The following SUZ12 variants were observed in gnomAD, a reference collection of about 807,000 sequenced individuals.
SUZ12 encodes polycomb protein SUZ12.
A neutral mutation model predicts 87.3 loss-of-function variants in SUZ12; 17 were observed. The ratio of observed to expected loss-of-function variants is 0.19; its 90% CI spans 0.13 to 0.29. The LOEUF is 0.29. SUZ12 is among the 10% of genes least tolerant of loss of function. SUZ12 has a pLI of 1.00. For missense variants in SUZ12, 526 were observed against 912.2 expected, an observed-to-expected ratio of 0.58 and a Z score of 5.45; for synonymous variants, 253 against 312.4, an observed-to-expected ratio of 0.81 and a Z score of 2.01.
intron 8 of SUZ12, among the ~76,000 whole-genome samples, chr17:31,978,110 C>T (rs1326088272): frequency 6.6e-6 from 1 of 152,074 alleles, no homozygotes; most frequent in Admixed American, 6.6e-5. Flanking sequence ...ATTTCTTGTA[C>T]CAGGCTGCGT....
chr17:31,955,071 C>G (rs938359481), intron 4 of SUZ12, among the ~76,000 whole-genome samples: 1 of 152,118 alleles, frequency 6.6e-6, no homozygotes, highest in Non-Finnish European at 1.5e-5. Context: ...ACTGCATCCT[C>G]GAACTTCCAG....
At chr17:31,963,123 A>G (rs1175612840) in intron 4 of SUZ12, among the ~76,000 whole-genome samples, 2 of 152,214 alleles carry the variant, frequency 1.3e-5, no homozygotes, top group Non-Finnish European at 2.9e-5. Context: ...ATAGGTTTTT[A>G]AGACTCCTGT....
At chr17:31,989,645 C>T (rs747299240) in intron 10 of SUZ12, among the ~76,000 whole-genome samples, 6 of 152,014 alleles carry the variant, frequency 3.9e-5, no homozygotes, top group Non-Finnish European at 5.9e-5. Flanking sequence ...GTTGCCCAGA[C>T]TGGAGTGCAG....
Position 31,937,418 on chromosome 17 carries a change from T to TCCTCCG in SUZ12, c.174_179dup (p.Ser59_Ala60dup), listed in dbSNP as rs1424015855. On this transcript the variant is annotated inframe_insertion, in exon 1 of 16. Transcript: ENST00000322652. Reference sequence around the variant, plus strand: ...TGGCAGTTACTCGGCCTCCTCCTCCTCCTCCGCGGCGGCAGCGGCGGGGGC... The same window carrying TCCTCCG: ...TGGCAGTTACTCGGCCTCCTCCTCCTCCTCCGCCTCCGCGGCGGCAGCGGCGGGGGC... 2.6e-6 allele frequency: 4 copies of TCCTCCG among 1,542,882 alleles called. No individual in the cohort carries two copies. Among genetic ancestry groups the TCCTCCG allele is most frequent in the African/African-American group, 1.4e-5 (1 of 72,242 alleles).
Position 31,973,241 on chromosome 17 carries a change from A to G in SUZ12, c.591+10A>G, listed in dbSNP as rs1908539518. On this transcript the variant is annotated intron_variant, in intron 6 of 15. Transcript: ENST00000322652. ...CCACAAAAAAAGAAAGGTAATGTCA[A>G]CAAAATGATATTGGTAGATTAAATG... 7.2e-7 allele frequency: 1 copy of G among 1,395,176 alleles called. No homozygotes were observed. The highest frequency in any genetic ancestry group is 1.5e-5 in the African/African-American group (1 of 67,234). 86.4% of individuals were successfully genotyped at this position (1,395,176 alleles called of 1,614,324 possible).
At chr17:31,977,786 G>T (rs1427627016) in intron 8 of SUZ12, among the ~76,000 whole-genome samples, 5 of 152,060 alleles carry the variant, frequency 3.3e-5, no homozygotes, top group African/African-American at 7.2e-5. Flanking sequence ...CTACTCAGGA[G>T]GCCGAGGCAG....
chr17:31,974,016 A>C (rs1005806937), intron 6 of SUZ12, among the ~76,000 whole-genome samples: 2 of 152,074 alleles, frequency 1.3e-5, no homozygotes, highest in Non-Finnish European at 2.9e-5. Flanking sequence ...GCTTGAACCC[A>C]GGAGTTAAGC....
Position 31,969,214 on chromosome 17 carries a change from G to A in SUZ12, c.505+3018G>A, listed in dbSNP as rs140849992. 8.8e-4 allele frequency among the ~76,000 whole-genome samples: 134 copies of A among 151,966 alleles called. 1 individual carries two copies. Among genetic ancestry groups the A allele is most frequent in the African/African-American group, 3.1e-3 (128 of 41,442 alleles). ...GGCTGGAGTGCAATGGCGCAATCTCGGCTCACCACAACCTCTACCTCCCGG... is the reference window on the plus strand; with the variant it reads ...GGCTGGAGTGCAATGGCGCAATCTCAGCTCACCACAACCTCTACCTCCCGG... On this transcript the variant is annotated intron_variant, in intron 5 of 15. Coordinates refer to ENST00000322652, the MANE Select transcript of SUZ12 (RefSeq NM_015355.4).
At chr17:31,982,176 G>A (rs1400229079) in intron 8 of SUZ12, among the ~76,000 whole-genome samples, 1 of 151,974 alleles carries the variant, frequency 6.6e-6, no homozygotes, top group African/African-American at 2.4e-5. Context: ...AGTGTTTATT[G>A]AGCACCTATA....
intron 10 of SUZ12, among the ~76,000 whole-genome samples, chr17:31,992,680 GATT>G (rs1479146625): frequency 1.3e-5 from 2 of 152,080 alleles, no homozygotes; most frequent in Non-Finnish European, 2.9e-5. Flanking sequence ...AAAGCACTGG[GATT>G]ACAGGTGTGA....
chr17:31,978,882 C>T (rs1268050728), intron 8 of SUZ12, among the ~76,000 whole-genome samples: 9 of 151,562 alleles, frequency 5.9e-5, no homozygotes, highest in South Asian at 2.1e-4. Flanking sequence ...CTGAGGCGGG[C>T]GGATCACGAG....
intron 8 of SUZ12, among the ~76,000 whole-genome samples, chr17:31,982,769 T>C (rs966678987): frequency 6.6e-6 from 1 of 152,250 alleles, no homozygotes; most frequent in African/African-American, 2.4e-5. Context: ...TGTTTAGAGT[T>C]ATATCTGAGT....
Position 31,960,501 on chromosome 17 carries a change from G to A in SUZ12, c.456-5646G>A, listed in dbSNP as rs1437733169. ...TGGGATTACAGGCGTGAGCCACTGC[G>A]CCCAGCCAGAGTGTTTACTTTTAGG... On this transcript the variant is annotated intron_variant, in intron 4 of 15. Coordinates refer to ENST00000322652, the MANE Select transcript of SUZ12 (RefSeq NM_015355.4). Among the ~76,000 whole-genome samples, 6 of 151,964 alleles carry A rather than the reference G, an allele frequency of 3.9e-5. No homozygotes were observed. In the South Asian group the frequency reaches 6.2e-4, roughly 16 times the overall value.
At chr17:31,987,733 C>T (rs868037955) in intron 9 of SUZ12, among the ~76,000 whole-genome samples, 1 of 152,038 alleles carries the variant, frequency 6.6e-6, no homozygotes, top group South Asian at 2.1e-4. Context: ...GAGTTCAAGA[C>T]CAGCCTGGCC....
rs997235625 is a variant in SUZ12 at position 32,000,203 on chromosome 17, A to G, written c.*1200A>G. 7 of 233,138 alleles carry G rather than the reference A, an allele frequency of 3.0e-5. No individual in the cohort carries two copies. The highest frequency in any genetic ancestry group is 5.1e-5 in the Non-Finnish European group (6 of 117,828). The allele number at this position is 233,138 out of a possible 1,614,324, so 14.4% of individuals were successfully genotyped here. On this transcript the variant is annotated 3_prime_UTR_variant, in exon 16 of 16. Transcript: ENST00000322652. ...TTATCCTTAAAGATATTGCATTTTCATATTCTTTATTTATAAAGGATCAAT... is the reference window on the plus strand; with the variant it reads ...TTATCCTTAAAGATATTGCATTTTCGTATTCTTTATTTATAAAGGATCAAT...
chr17:31,960,781 G>A (rs1288128585), intron 4 of SUZ12, among the ~76,000 whole-genome samples: 2 of 152,078 alleles, frequency 1.3e-5, no homozygotes, highest in African/African-American at 4.8e-5. Context: ...GTTTCACCAT[G>A]TTGGCCAGGC....
intron 15 of SUZ12, among the ~76,000 whole-genome samples, 168 bp downstream of exon 15, chr17:31,997,045 T>C (rs1442671960): frequency 2.0e-5 from 3 of 152,212 alleles, no homozygotes; most frequent in Admixed American, 6.5e-5. Flanking sequence ...GCAGGTTTTT[T>C]TTAGGTACAA....
intron 3 of SUZ12, among the ~76,000 whole-genome samples, chr17:31,942,194 A>T (rs925695789): frequency 1.3e-5 from 2 of 151,908 alleles, no homozygotes; most frequent in Non-Finnish European, 2.9e-5. Context: ...GAGGATTTAA[A>T]TATTTACTAA....
At chr17:31,961,891 T>G (rs543323659) in intron 4 of SUZ12, among the ~76,000 whole-genome samples, 1 of 152,240 alleles carries the variant, frequency 6.6e-6, no homozygotes, top group African/African-American at 2.4e-5. Flanking sequence ...TGGGCCATCA[T>G]TCCTGACCTT....
Sources: allele counts gnomAD v4.1 joint callset (sites outside exome capture counted in the v4.1 genomes callset), GRCh38; gene constraint gnomAD v4.1.1; transcripts MANE v1.5; gene names NCBI Gene and HGNC (gene_info 2026-07-23, HGNC 2026-07-21).